The following LMTK2 variants were observed in gnomAD, a reference collection of about 807,000 sequenced individuals.
LMTK2 encodes serine/threonine-protein kinase LMTK2.
In LMTK2, 37 loss-of-function variants were observed where a neutral mutation model predicts 127.5. That is an observed-to-expected ratio of 0.29 (90% CI 0.22 to 0.38). LMTK2 has a LOEUF of 0.38. Among genes scored for constraint, LMTK2 ranks in the 10% least tolerant of loss-of-function variants. The pLI is 1.00. For missense variants in LMTK2, 1,694 were observed against 1,920.3 expected (o/e 0.88, Z 2.20); for synonymous variants, 819 against 810.1 (o/e 1.01, Z -0.19).
chr7:98,158,180 G>GGAGTTTGCATAATT, intron 5 of LMTK2, among the ~76,000 whole-genome samples: 1 of 152,308 alleles, frequency 6.6e-6, no homozygotes, highest in Admixed American at 6.5e-5. Flanking sequence ...TGCATATACT[G>GGAGTTTGCATAATT]TGGAAATTTA....
intron 1 of LMTK2, among the ~76,000 whole-genome samples, chr7:98,111,738 A>G (rs755672916): frequency 2.0e-5 from 3 of 152,258 alleles, no homozygotes; most frequent in Non-Finnish European, 4.4e-5. Flanking sequence ...GCATCAAAGC[A>G]GGAGCTCAAA....
In LMTK2 at chr7:98,107,051, G is replaced by C; in HGVS notation, c.-127G>C. 1 of 647,982 alleles carries C rather than the reference G, an allele frequency of 1.5e-6. No individual in the cohort carries two copies. Among genetic ancestry groups the C allele is most frequent in the Non-Finnish European group, 2.4e-6 (1 of 422,912 alleles). The allele number at this position is 647,982 out of a possible 1,614,324, so 40.1% of individuals were successfully genotyped here. Reference sequence around the variant, plus strand: ...GACCGAGGTTTGGCAGAAGCAACGTGTGCTCGGGAGCAACCGGCGCGGGTG... The same window carrying C: ...GACCGAGGTTTGGCAGAAGCAACGTCTGCTCGGGAGCAACCGGCGCGGGTG... On this transcript the variant is annotated 5_prime_UTR_variant, in exon 1 of 14. Coordinates refer to ENST00000297293, the MANE Select transcript of LMTK2 (RefSeq NM_014916.4).
chr7:98,107,335 G>T, intron 1 of LMTK2, 55 bp downstream of exon 1: 1 of 1,151,276 alleles, frequency 8.7e-7, no homozygotes, highest in Non-Finnish European at 1.1e-6. Context: ...TGGAGGGGAG[G>T]GGGCGGCAGG....
intron 5 of LMTK2, among the ~76,000 whole-genome samples, chr7:98,158,503 A>G (rs1362278904): frequency 2.6e-5 from 4 of 152,086 alleles, no homozygotes; most frequent in Non-Finnish European, 5.9e-5. Context: ...TACTTACTGA[A>G]TTTGTATATA....
chr7:98,160,935 G>A (rs1797006267), intron 6 of LMTK2, among the ~76,000 whole-genome samples: 1 of 152,124 alleles, frequency 6.6e-6, no homozygotes, highest in Non-Finnish European at 1.5e-5. Context: ...GTTGGAATTT[G>A]CCTGTCAAAT....
intron 5 of LMTK2, 145 bp downstream of exon 5, chr7:98,155,021 T>G: frequency 1.8e-6 from 1 of 570,178 alleles, no homozygotes; most frequent in Non-Finnish European, 3.1e-6. Flanking sequence ...TGTCCAGGCG[T>G]CATCTGAAAA....
chr7:98,164,532 C>T (rs571903424), intron 6 of LMTK2, among the ~76,000 whole-genome samples: 5 of 152,240 alleles, frequency 3.3e-5, no homozygotes, highest in East Asian at 3.9e-4. Flanking sequence ...ATGAGATTAC[C>T]GAGCACAAGG....
intron 1 of LMTK2, among the ~76,000 whole-genome samples, chr7:98,115,421 AAAAGAAAGAAG>A (rs1334139390): frequency 6.6e-6 from 1 of 152,080 alleles, no homozygotes. Flanking sequence ...AAGAAAGAGA[AAAAGAAAGAAG>A]AAAGAAAGAG....
rs535546020 is a variant in LMTK2 at position 98,174,685 on chromosome 7, T to C, written c.791+3011T>C. 7.9e-5 allele frequency among the ~76,000 whole-genome samples: 12 copies of C among 152,272 alleles called. No homozygotes were observed. The South Asian group carries it at 1.2e-3, about 16-fold the overall frequency. The stretch of plus-strand genomic sequence containing the variant: ...GCCTTGCGGAGTACCTGGGTGACCA[T>C]TGTGTACAAAAGAACCTCTATAGGA... On this transcript the variant is annotated intron_variant, in intron 7 of 13. Transcript: ENST00000297293.
rs747292097 is a variant in LMTK2, at chr7:98,194,320, C to T, written c.3855C>T (p.Asp1285=). The change falls in exon 11 of 14, where the codon GAC becomes GAT. Residue 1285 remains aspartate, a synonymous_variant. Coordinates refer to ENST00000297293, the MANE Select transcript of LMTK2 (RefSeq NM_014916.4). This position sits in a 1 kb window ranked among gnomAD's most constrained non-coding sequence, Gnocchi z 5.4. ...LDLSEDGMDA[D]EEDENSDDSD... ...TCTCAGAGGACGGGATGGATGCAGA[C>T]GAGGAGGACGAAAACAGCGACGACT... The T allele has an allele frequency of 2.2e-5, 35 of 1,613,962 alleles. No individual in the cohort carries two copies. Among genetic ancestry groups the T allele is most frequent in the South Asian group, 9.9e-5 (9 of 91,078 alleles).
intron 1 of LMTK2, among the ~76,000 whole-genome samples, chr7:98,115,996 C>A (rs1050835301): frequency 1.3e-5 from 2 of 151,996 alleles, no homozygotes; most frequent in African/African-American, 4.8e-5. Context: ...AGCAGTCCTC[C>A]CATGTCAGCT....
intron 5 of LMTK2, among the ~76,000 whole-genome samples, chr7:98,159,041 G>A (rs1796973895): frequency 6.6e-6 from 1 of 152,124 alleles, no homozygotes; most frequent in East Asian, 1.9e-4. Context: ...CAGGGTGACA[G>A]AACGAGACCC....
chr7:98,106,919 C>G lies in LMTK2; in HGVS notation c.-259C>G, dbSNP rs899184770. The G allele has an allele frequency of 6.8e-5, 31 of 452,980 alleles. No homozygotes were observed. The highest frequency in any genetic ancestry group is 1.2e-4 in the Non-Finnish European group (30 of 255,754). The allele number at this position is 452,980 out of a possible 1,614,324, so 28.1% of individuals were successfully genotyped here. On this transcript the variant is annotated 5_prime_UTR_variant, in exon 1 of 14. Coordinates refer to ENST00000297293, the MANE Select transcript of LMTK2 (RefSeq NM_014916.4). The stretch of plus-strand genomic sequence containing the variant: ...GCGCGGCTTCCCAGGCCCGCCGCTC[C>G]GCAGGGCTGCTGGCGTTGCTGCTGT...
chr7:98,196,492 TAATGTATA>T (rs890951344), intron 11 of LMTK2, among the ~76,000 whole-genome samples: 5 of 152,068 alleles, frequency 3.3e-5, no homozygotes, highest in Admixed American at 2.6e-4. Context: ...ATGGATGGGG[TAATGTATA>T]GGTGGGACGG....
chr7:98,169,137 A>G (rs2116418072), intron 6 of LMTK2, among the ~76,000 whole-genome samples: 1 of 152,328 alleles, frequency 6.6e-6, no homozygotes, highest in Non-Finnish European at 1.5e-5. Flanking sequence ...TCTGAAACAT[A>G]GAACTAACCC....
chr7:98,178,264 A>G (rs1156377417), intron 7 of LMTK2, among the ~76,000 whole-genome samples: 2 of 152,180 alleles, frequency 1.3e-5, no homozygotes, highest in Non-Finnish European at 2.9e-5. Flanking sequence ...TAGTTCACAT[A>G]ATAGAGGTGT....
rs897244937 is a variant in LMTK2, at chr7:98,208,469, A to G, written c.*2977A>G. 6.6e-6 allele frequency: 1 copy of G among 152,232 alleles called. No homozygotes were observed. Among genetic ancestry groups the G allele is most frequent in the African/African-American group, 2.4e-5 (1 of 41,452 alleles). 9.4% of individuals were successfully genotyped at this position (152,232 alleles called of 1,614,324 possible). A position where few individuals can be genotyped will look rare whatever the true frequency, so the allele number is the denominator to read the frequency against. ...TGTACTTGTTCTAATAAGTTGTACAATGAACTAAATCAGTGGCATTCTCTA... is the reference window on the plus strand; with the variant it reads ...TGTACTTGTTCTAATAAGTTGTACAGTGAACTAAATCAGTGGCATTCTCTA... On this transcript the variant is annotated 3_prime_UTR_variant, in exon 14 of 14. Transcript: ENST00000297293.
intron 6 of LMTK2, among the ~76,000 whole-genome samples, chr7:98,168,663 T>C (rs1797139105): frequency 6.6e-6 from 1 of 152,216 alleles, no homozygotes; most frequent in Non-Finnish European, 1.5e-5. Context: ...TATAAAGCCC[T>C]CCCTGGCCAT....
At chr7:98,161,623 C>T (rs1035436148) in intron 6 of LMTK2, among the ~76,000 whole-genome samples, 3 of 151,994 alleles carry the variant, frequency 2.0e-5, no homozygotes, top group African/African-American at 7.3e-5. Context: ...ATTATATAAT[C>T]GGTTTTGATG....
Sources: gnomAD v4.1 joint callset for allele counts (sites outside exome capture counted in the v4.1 genomes callset) on GRCh38, gnomAD v4.1.1 for gene constraint, Gnocchi (gnomAD v3.1) non-coding constraint, MANE v1.5 for transcripts, NCBI Gene and HGNC (gene_info 2026-07-23, HGNC 2026-07-21) for gene names.